Variants in DNAH8 observed in about 807,000 individuals in gnomAD.
DNAH8 encodes the protein axonemal beta dynein heavy chain 8.
Under a neutral mutation model 562.1 loss-of-function variants are expected in DNAH8, and 382 were observed. That is an observed-to-expected ratio of 0.68 (90% confidence interval 0.63 to 0.74). DNAH8 has a LOEUF of 0.74. Ranked by LOEUF, DNAH8 falls within the 30% of genes least tolerant of loss-of-function variation. The pLI, the probability that DNAH8 is intolerant of heterozygous loss-of-function variation, is 0.00. For missense variants in DNAH8, 5,203 were observed against 5,620.4 expected (o/e 0.93, Z 2.37); for synonymous variants, 1,881 against 1,919.4 (o/e 0.98, Z 0.52).
intron 54 of DNAH8, 81 bp from the exon 55 acceptor site, chr6:38,883,241 A>G: frequency 6.9e-7 from 1 of 1,447,492 alleles, no homozygotes; most frequent in East Asian, 2.4e-5. Context: ...TAATTTATAG[A>G]AGACTAGCCC....
At chr6:39,007,962 C>T (rs892690116) in intron 88 of DNAH8, among the ~76,000 whole-genome samples, 1 of 120,214 alleles carries the variant, frequency 8.3e-6, no homozygotes, top group African/African-American at 3.1e-5. Context: ...CACACACACA[C>T]ATTTCTACTC....
chr6:38,867,651 G>A (rs111293578), intron 47 of DNAH8, among the ~76,000 whole-genome samples: 16,659 of 150,958 alleles, frequency 0.11, 1,276 homozygotes, highest in Admixed American at 0.21. Flanking sequence ...TACTGGGGAG[G>A]CTGAGGCAGG....
At chr6:39,001,153 A>G (rs1457862272) in intron 88 of DNAH8, among the ~76,000 whole-genome samples, 2 of 152,082 alleles carry the variant, frequency 1.3e-5, no homozygotes, top group Admixed American at 6.5e-5. Context: ...GTTTTGCCAA[A>G]AGAGTTTGGG....
chr6:38,743,478 C>T (rs1156910513), intron 8 of DNAH8, among the ~76,000 whole-genome samples: 3 of 152,166 alleles, frequency 2.0e-5, no homozygotes, highest in Non-Finnish European at 4.4e-5. Flanking sequence ...AATATCACCA[C>T]GATCCAATTT....
Position 38,802,164 on chromosome 6 carries a change from G to C in DNAH8, c.2902-1015G>C, listed in dbSNP as rs527622054. Among the ~76,000 whole-genome samples, 7 of 152,124 alleles carry C rather than the reference G, an allele frequency of 4.6e-5. No individual in the cohort carries two copies. In the East Asian group the frequency reaches 1.4e-3, roughly 29 times the overall value. The stretch of plus-strand genomic sequence containing the variant: ...TTGCCCAGGCTGGTCTCAAATTCCT[G>C]GGCTCAAGCAATCCTCCATCCTCAG... On this transcript the variant is annotated intron_variant, in intron 21 of 92. Coordinates refer to ENST00000327475, the MANE Select transcript of DNAH8 (RefSeq NM_001206927.2).
At chr6:39,020,638 A>T (rs1002829428) in intron 91 of DNAH8, among the ~76,000 whole-genome samples, 1 of 152,164 alleles carries the variant, frequency 6.6e-6, no homozygotes, top group Non-Finnish European at 1.5e-5. Flanking sequence ...TAAGCCCCGC[A>T]TGCATCAGCT....
Position 38,991,741 on chromosome 6 carries a change from C to T in DNAH8, c.13214+1569C>T, listed in dbSNP as rs1764803407. ...CTTCCTGTTACTCAGACAGGCCAGA[C>T]AGCACCTGCCACAGGATACTTGCAC... is the stretch of plus-strand genomic sequence containing the variant. On this transcript the variant is annotated intron_variant, in intron 88 of 92. Transcript: ENST00000327475. Among the ~76,000 whole-genome samples, 3 of 152,314 alleles carry T rather than the reference C, an allele frequency of 2.0e-5. No individual in the cohort carries two copies. The South Asian group carries it at 6.2e-4, about 32-fold the overall frequency.
intron 1 of DNAH8, among the ~76,000 whole-genome samples, chr6:38,719,613 C>T (rs1202618219): frequency 6.6e-6 from 1 of 152,106 alleles, no homozygotes; most frequent in Non-Finnish European, 1.5e-5. Flanking sequence ...TTCATCCAAT[C>T]CACTGTGAAG....
intron 33 of DNAH8, among the ~76,000 whole-genome samples, chr6:38,838,299 T>C (rs1774469520): frequency 6.6e-6 from 1 of 152,230 alleles, no homozygotes; most frequent in Non-Finnish European, 1.5e-5. Context: ...TGCTTTACTT[T>C]TTCTTTTGAC....
At position 38,923,235 on chromosome 6, in the gene DNAH8, G is replaced by C. The variant is rs373614671; in HGVS notation, c.10790+50G>C. ...ATCACTCTTTCTTTGTGACATTAGA[G>C]AACATAAAGTCCATTTCCATGTGTT... On this transcript the variant is annotated intron_variant, in intron 72 of 92. Coordinates refer to ENST00000327475, the MANE Select transcript of DNAH8 (RefSeq NM_001206927.2). 30 of 1,602,102 alleles carry C rather than the reference G, an allele frequency of 1.9e-5. No homozygotes were observed. The African/African-American group carries it at 3.9e-4, about 21-fold the overall frequency.
rs190938957 is a variant in DNAH8, at chr6:38,847,013, C to T, written c.5045+1240C>T. On this transcript the variant is annotated intron_variant, in intron 36 of 92. Transcript: ENST00000327475. ...CCAAGTAGGTCTGGAAAGCCTGTTC[C>T]AGAACTAACCACAGACTGACCTAGT... 1.7e-3 allele frequency among the ~76,000 whole-genome samples: 252 copies of T among 152,238 alleles called. 2 individuals are homozygous for T. Among genetic ancestry groups the T allele is most frequent in the African/African-American group, 5.6e-3 (234 of 41,542 alleles).
At position 38,851,621 on chromosome 6, in the gene DNAH8, G is replaced by T. The variant is rs1481425159; in HGVS notation, c.5413G>T (p.Asp1805Tyr). Reference sequence around the variant, plus strand: ...GTTTCCAAGATTCTTCTTTGTATCTGATCCAGTTCTCCTGGAAATTCTTGG... The same window carrying T: ...GTTTCCAAGATTCTTCTTTGTATCTTATCCAGTTCTCCTGGAAATTCTTGG... ...LLFPRFFFVS[D>Y]PVLLEILGQA... The change falls in exon 39 of 93, where the codon GAT becomes TAT. Residue 1805 changes from aspartate (D) to tyrosine (Y), a missense_variant. By Grantham distance (160) the Asp-to-Tyr change is radical. This residue lies in a region of DNAH8 where 2,176 missense variants were observed against 2,365.1 expected (regional missense o/e 0.92). Coordinates refer to ENST00000327475, the MANE Select transcript of DNAH8 (RefSeq NM_001206927.2). The T allele has an allele frequency of 1.9e-6, 3 of 1,612,098 alleles. No homozygotes were observed. The highest frequency in any genetic ancestry group is 2.5e-6 in the Non-Finnish European group (3 of 1,179,330).
At chr6:38,802,549 A>G (rs948064540) in intron 21 of DNAH8, among the ~76,000 whole-genome samples, 1 of 152,268 alleles carries the variant, frequency 6.6e-6, no homozygotes, top group African/African-American at 2.4e-5. Context: ...GTTTAGAAAG[A>G]CAAAGTGCAG....
intron 18 of DNAH8, among the ~76,000 whole-genome samples, chr6:38,788,439 T>C (rs1678668): frequency 0.29 from 44,775 of 151,920 alleles, 6,963 homozygotes; most frequent in East Asian, 0.46. Flanking sequence ...CCTGAGCCAC[T>C]GCGCCCGGCC....
chr6:38,816,772 G>A (rs1391741245), intron 26 of DNAH8, among the ~76,000 whole-genome samples: 1 of 152,054 alleles, frequency 6.6e-6, no homozygotes, highest in African/African-American at 2.4e-5. Flanking sequence ...TTTAATAATT[G>A]CCATTCTGTC....
chr6:38,775,739 A>T lies in DNAH8; in HGVS notation c.1765-15A>T, dbSNP rs1301419783. 1.3e-6 allele frequency: 2 copies of T among 1,537,344 alleles called. No homozygotes were observed. Among genetic ancestry groups the T allele is most frequent in the Admixed American group, 3.7e-5 (2 of 53,862 alleles). On this transcript the variant is annotated splice_polypyrimidine_tract_variant and intron_variant, in intron 12 of 92. Coordinates refer to ENST00000327475, the MANE Select transcript of DNAH8 (RefSeq NM_001206927.2). ...ATCTCATTTAAAAAAGCAAAATAAC[A>T]TTTCTCTTTTTAAGATTACAGAAAT...
chr6:38,844,026 G>A (rs1441735600), intron 35 of DNAH8, among the ~76,000 whole-genome samples: 2 of 151,898 alleles, frequency 1.3e-5, no homozygotes, highest in Non-Finnish European at 2.9e-5. Context: ...TGTGGGGCTG[G>A]TTTTGTGTCA....
chr6:39,006,968 A>C (rs972540356), intron 88 of DNAH8, among the ~76,000 whole-genome samples: 2 of 152,164 alleles, frequency 1.3e-5, no homozygotes, highest in Non-Finnish European at 2.9e-5. Context: ...GCACTATCCA[A>C]ACAGAAACTC....
chr6:38,807,958 T>C (rs990505865), intron 24 of DNAH8, among the ~76,000 whole-genome samples: 1 of 152,214 alleles, frequency 6.6e-6, no homozygotes, highest in Non-Finnish European at 1.5e-5. Flanking sequence ...CCTTCTCACC[T>C]AAAAGTAACC....
Sources: allele counts gnomAD v4.1 joint callset (sites outside exome capture counted in the v4.1 genomes callset), GRCh38; gene constraint gnomAD v4.1.1; regional missense constraint gnomAD v4.1.1; transcripts MANE v1.5; gene names NCBI Gene and HGNC (gene_info 2026-07-23, HGNC 2026-07-21).